Variants in RIMS4 observed in about 807,000 individuals in gnomAD.
The protein encoded by RIMS4 is regulating synaptic membrane exocytosis 4, also known as regulating synaptic membrane exocytosis protein 4.
RIMS4 carries 9 observed loss-of-function variants against 29.0 expected under a neutral mutation model. The observed-to-expected ratio is 0.31, with a 90% CI of 0.19 to 0.54. The LOEUF is 0.54. Ranked by LOEUF, RIMS4 falls within the 20% of genes least tolerant of loss-of-function variation. The probability of loss-of-function intolerance (pLI) is 0.94; values close to 1 mark genes in which losing one functional copy is unlikely to be tolerated. For synonymous variants in RIMS4, 130 were observed against 152.9 expected (o/e 0.85, Z 1.10); for missense variants, 193 against 365.7 (o/e 0.53, Z 3.85).
intron 1 of RIMS4, among the ~76,000 whole-genome samples, chr20:44,774,636 C>G (rs897931900): frequency 1.3e-5 from 2 of 152,182 alleles, no homozygotes; most frequent in Non-Finnish European, 2.9e-5. Context: ...TGAATCAACA[C>G]TCCTTAATAA....
At chr20:44,791,701 G>A (rs1255214817) in intron 1 of RIMS4, among the ~76,000 whole-genome samples, 3 of 152,142 alleles carry the variant, frequency 2.0e-5, no homozygotes, top group Admixed American at 2.0e-4. Context: ...GTTCCAACTC[G>A]ACCTGCCTGA....
chr20:44,767,511 G>C (rs67249603), intron 2 of RIMS4, among the ~76,000 whole-genome samples: 15,536 of 152,188 alleles, frequency 0.1, 1,200 homozygotes, highest in African/African-American at 0.21. Context: ...AGGGGCTCTG[G>C]GTCCTTGATG....
intron 1 of RIMS4, among the ~76,000 whole-genome samples, chr20:44,792,822 GA>G: frequency 6.6e-6 from 1 of 152,196 alleles, no homozygotes; most frequent in Non-Finnish European, 1.5e-5. Flanking sequence ...GCTATCTCCA[GA>G]AACCAGTTTC....
chr20:44,778,661 A>G (rs927724291), intron 1 of RIMS4, among the ~76,000 whole-genome samples: 16 of 152,222 alleles, frequency 1.1e-4, no homozygotes, highest in Admixed American at 2.0e-4. Context: ...AACCTGTTTC[A>G]GGAAAAATAA....
At chr20:44,804,440 T>C (rs2066289736) in intron 1 of RIMS4, among the ~76,000 whole-genome samples, 1 of 152,164 alleles carries the variant, frequency 6.6e-6, no homozygotes, top group South Asian at 2.1e-4. Flanking sequence ...AGAAGGTTTA[T>C]AGTGGGGGAG....
At position 44,756,052 on chromosome 20, in the gene RIMS4, C is replaced by T; in HGVS notation, c.*82G>A. On this transcript the variant is annotated 3_prime_UTR_variant, in exon 6 of 6. Transcript: ENST00000372851. The surrounding 1 kb of genome is among the most constrained non-coding windows in gnomAD (Gnocchi z 5.9). ...TGGGGGAGAGCCCCGTCCTCCTGTTCAATGTGCCCCTGGGCCTGGGGTCCC... is the reference window on the plus strand; with the variant it reads ...TGGGGGAGAGCCCCGTCCTCCTGTTTAATGTGCCCCTGGGCCTGGGGTCCC... 2 of 1,109,970 alleles carry T rather than the reference C, an allele frequency of 1.8e-6. No homozygotes were observed. The highest frequency in any genetic ancestry group is 2.6e-6 in the Non-Finnish European group (2 of 758,936). 68.8% of individuals were successfully genotyped at this position (1,109,970 alleles called of 1,614,324 possible).
chr20:44,765,667 A>G (rs762957012), intron 2 of RIMS4, among the ~76,000 whole-genome samples: 3 of 152,156 alleles, frequency 2.0e-5, no homozygotes, highest in Admixed American at 6.5e-5. Flanking sequence ...GGTGATTAGG[A>G]AACAGCCTTG....
intron 4 of RIMS4, among the ~76,000 whole-genome samples, chr20:44,757,398 C>T (rs1436855558): frequency 2.6e-5 from 4 of 152,116 alleles, no homozygotes; most frequent in African/African-American, 7.2e-5. Context: ...TGCCAAGAAC[C>T]CTGCTAGGCA....
At chr20:44,767,615 G>A (rs977188748) in intron 2 of RIMS4, among the ~76,000 whole-genome samples, 2 of 152,142 alleles carry the variant, frequency 1.3e-5, no homozygotes, top group Admixed American at 1.3e-4. Flanking sequence ...TAAACATTAA[G>A]GGCAGATACC....
At chr20:44,779,730 T>A (rs139436414) in intron 1 of RIMS4, among the ~76,000 whole-genome samples, 1 of 152,240 alleles carries the variant, frequency 6.6e-6, no homozygotes. Flanking sequence ...TGTCTTTTGG[T>A]GACCATTTCT....
At chr20:44,794,805 A>T (rs867113613) in intron 1 of RIMS4, among the ~76,000 whole-genome samples, 1 of 152,168 alleles carries the variant, frequency 6.6e-6, no homozygotes, top group Non-Finnish European at 1.5e-5. Context: ...CTGGCCTGAG[A>T]ACTAGGGATA....
chr20:44,803,633 A>G (rs1161155080), intron 1 of RIMS4, among the ~76,000 whole-genome samples: 3 of 149,458 alleles, frequency 2.0e-5, no homozygotes, highest in African/African-American at 7.4e-5. Context: ...CAGCCTCCTC[A>G]GTTTCCGAGT....
At chr20:44,768,386 G>A (rs911906278) in intron 2 of RIMS4, among the ~76,000 whole-genome samples, 2 of 152,202 alleles carry the variant, frequency 1.3e-5, no homozygotes, top group African/African-American at 2.4e-5. Flanking sequence ...GCAGCCTTGC[G>A]GGGGTGCTCA....
chr20:44,779,618 A>C (rs544256043), intron 1 of RIMS4, among the ~76,000 whole-genome samples: 13 of 152,338 alleles, frequency 8.5e-5, no homozygotes, highest in Non-Finnish European at 1.3e-4. Flanking sequence ...GTGTGAATAT[A>C]TCAAAATAAT....
At chr20:44,764,228 G>C (rs370934451) in intron 2 of RIMS4, among the ~76,000 whole-genome samples, 1 of 66,068 alleles carries the variant, frequency 1.5e-5, no homozygotes, top group Non-Finnish European at 3.1e-5. Context: ...CCATCCATCC[G>C]TCCATCCATT....
chr20:44,807,227 T>C lies in RIMS4; in HGVS notation c.97+2948A>G, dbSNP rs79366363. Among the ~76,000 whole-genome samples the C allele has an allele frequency of 7.9e-4, 120 of 152,312 alleles. 5 individuals are homozygous for C. The East Asian group carries it at 0.021, about 27-fold the overall frequency. The stretch of plus-strand genomic sequence containing the variant: ...TGAGAGGAATTCTGGGAACCAGTAA[T>C]GACCAGCATCCTGGGCCCACGGCGG... On this transcript the variant is annotated intron_variant, in intron 1 of 5. Transcript: ENST00000372851.
At chr20:44,792,712 G>C (rs2066238431) in intron 1 of RIMS4, among the ~76,000 whole-genome samples, 1 of 152,150 alleles carries the variant, frequency 6.6e-6, no homozygotes. Context: ...ATTTCAGTAA[G>C]ATTATCCAGG....
At chr20:44,805,570 TC>T (rs1316492552) in intron 1 of RIMS4, among the ~76,000 whole-genome samples, 1 of 152,014 alleles carries the variant, frequency 6.6e-6, no homozygotes, top group Non-Finnish European at 1.5e-5. Context: ...CTCCACGTGG[TC>T]CTGACCATGA....
In RIMS4 at chr20:44,757,649, AG is replaced by A; in HGVS notation, c.451+20del. ...TCCCTGACCTCCACCCCCACCTTGC[AG>A]GGGAAGGTAGGCCCCAGACCTGGCA... is the stretch of plus-strand genomic sequence containing the variant. On this transcript the variant is annotated intron_variant, in intron 4 of 5. Coordinates refer to ENST00000372851, the MANE Select transcript of RIMS4 (RefSeq NM_182970.4). 1 of 1,575,618 alleles carries A rather than the reference AG, an allele frequency of 6.3e-7. No individual in the cohort carries two copies. The highest frequency in any genetic ancestry group is 8.7e-7 in the Non-Finnish European group (1 of 1,144,994).
Sources: allele counts gnomAD v4.1 joint callset (sites outside exome capture counted in the v4.1 genomes callset), GRCh38; gene constraint gnomAD v4.1.1; non-coding constraint Gnocchi (gnomAD v3.1); transcripts MANE v1.5; gene names NCBI Gene and HGNC (gene_info 2026-07-23, HGNC 2026-07-21).